The following NFATC3 variants were observed in gnomAD, a reference collection of about 807,000 sequenced individuals.
The protein encoded by NFATC3 is nuclear factor of activated T-cells, cytoplasmic 3.
A neutral mutation model predicts 98.6 loss-of-function variants in NFATC3; 46 were observed. The ratio of observed to expected loss-of-function variants is 0.47; its 90% CI spans 0.37 to 0.60. The LOEUF (loss-of-function observed/expected upper bound fraction) is 0.60, where lower values mean the gene tolerates loss of function less well. Among genes scored for constraint, NFATC3 ranks in the 20% least tolerant of loss-of-function variants. The pLI is 0.00. For synonymous variants in NFATC3, 512 were observed against 472.2 expected (o/e 1.08, Z -1.09); for missense variants, 1,256 against 1,295.5 (o/e 0.97, Z 0.47).
At chr16:68,156,705 C>G (rs571607750) in intron 3 of NFATC3, among the ~76,000 whole-genome samples, 2 of 152,128 alleles carry the variant, frequency 1.3e-5, no homozygotes, top group Non-Finnish European at 2.9e-5. Flanking sequence ...TTTGGGAGGT[C>G]GAGGCGGGCA....
chr16:68,098,231 A>G lies in NFATC3; in HGVS notation c.103+12447A>G, dbSNP rs187160700. Among the ~76,000 whole-genome samples the G allele has an allele frequency of 3.5e-4, 53 of 150,296 alleles. No homozygotes were observed. In the East Asian group the frequency reaches 9.1e-3, roughly 26 times the overall value. On this transcript the variant is annotated intron_variant, in intron 1 of 9. Coordinates refer to ENST00000346183, the MANE Select transcript of NFATC3 (RefSeq NM_173165.3). Reference sequence around the variant, plus strand: ...TCTTGGGTAAATACCTAAGAATGTAATGGTTGGGTAATTTGGTAGATGTAC... The same window carrying G: ...TCTTGGGTAAATACCTAAGAATGTAGTGGTTGGGTAATTTGGTAGATGTAC...
chr16:68,183,300 G>A lies in NFATC3; in HGVS notation c.2032G>A (p.Val678Met). The change falls in exon 8 of 10, where the codon GTG becomes ATG. Residue 678 changes from valine to methionine, a missense_variant. Val to Met is a conservative substitution (Grantham distance 21, BLOSUM62 1). Transcript: ENST00000346183. ...HNPAVTAAVQVHFYLCNGKRK... is the reference protein window; with the variant it reads ...HNPAVTAAVQMHFYLCNGKRK... ...CCCAGCAGTTACAGCTGCAGTGCAG[G>A]TGCACTTTTATCTTTGCAATGGCAA... is the stretch of plus-strand genomic sequence containing the variant. 1.9e-6 allele frequency: 3 copies of A among 1,612,760 alleles called. No homozygotes were observed. Among genetic ancestry groups the A allele is most frequent in the Non-Finnish European group, 2.5e-6 (3 of 1,179,640 alleles).
At chr16:68,185,862 CAAAAAAAAAAAA>C (rs764335192) in intron 8 of NFATC3, among the ~76,000 whole-genome samples, 3 of 49,358 alleles carry the variant, frequency 6.1e-5, no homozygotes, top group Non-Finnish European at 9.0e-5. Context: ...GACTCCGTCT[CAAAAAAAAAAAA>C]AAAAAAAAAA....
At chr16:68,201,647 T>C (rs994344964) in intron 9 of NFATC3, among the ~76,000 whole-genome samples, 1 of 150,614 alleles carries the variant, frequency 6.6e-6, no homozygotes, top group Non-Finnish European at 1.5e-5. Context: ...TTGTTTCTTT[T>C]AAAAAAAAGA....
chr16:68,096,015 T>C (rs1005330792), intron 1 of NFATC3, among the ~76,000 whole-genome samples: 4 of 152,226 alleles, frequency 2.6e-5, no homozygotes, highest in African/African-American at 9.6e-5. Flanking sequence ...TGAGACAGGG[T>C]CTCACTTTGT....
intron 9 of NFATC3, among the ~76,000 whole-genome samples, chr16:68,224,004 C>A (rs913781081): frequency 2.7e-5 from 4 of 150,452 alleles, no homozygotes; most frequent in Admixed American, 1.3e-4. Flanking sequence ...CCCAGCACTT[C>A]AGGAGGCCGA....
chr16:68,228,512 T>C lies in NFATC3; in HGVS notation c.*2041T>C, dbSNP rs575781056. ...AGAGTTGCTATGCACCAAATTTTGA[T>C]GCCTTCTAAATACCTTGATGCCTGT... On this transcript the variant is annotated 3_prime_UTR_variant, in exon 10 of 10. Transcript: ENST00000346183. 3.3e-5 allele frequency: 5 copies of C among 152,770 alleles called. No individual in the cohort carries two copies. In the East Asian group the frequency reaches 9.6e-4, roughly 29 times the overall value. 9.5% of individuals were successfully genotyped at this position (152,770 alleles called of 1,614,324 possible). A position where few individuals can be genotyped will look rare whatever the true frequency, so the allele number is the denominator to read the frequency against.
In NFATC3 at chr16:68,175,624, A is replaced by G. The variant is rs370756226; in HGVS notation, c.1915+1110A>G. Among the ~76,000 whole-genome samples, 17 of 152,250 alleles carry G rather than the reference A, an allele frequency of 1.1e-4. No homozygotes were observed. In the East Asian group the frequency reaches 3.1e-3, roughly 28 times the overall value. ...GGCTAGGCTGGAGTGCAATGGCACA[A>G]TCTTGGCTCACTGCAACCTCCGCCT... is the stretch of plus-strand genomic sequence containing the variant. On this transcript the variant is annotated intron_variant, in intron 6 of 9. Transcript: ENST00000346183.
rs575641838 is a variant in NFATC3 at position 68,226,415 on chromosome 16, C to A, written c.3172C>A (p.Gln1058Lys). 1.1e-5 allele frequency: 17 copies of A among 1,570,874 alleles called. No individual in the cohort carries two copies. The African/African-American group carries it at 2.4e-4, about 22-fold the overall frequency. Reference sequence around the variant, plus strand: ...TTCCCAAGGAGCAGGGGTGAGCAGGCAGGCTCCCCTCCCGAGTCCTGAGTC... The same window carrying A: ...TTCCCAAGGAGCAGGGGTGAGCAGGAAGGCTCCCCTCCCGAGTCCTGAGTC... ...SVSQGAGVSR[Q>K]APLPSPESLD... Residue 1058 changes from glutamine (Q) to lysine (K), a missense_variant, in exon 10 of 10, where the codon CAG becomes AAG. Physicochemically the swap from Gln to Lys is moderately conservative, Grantham distance 53. Coordinates refer to ENST00000346183, the MANE Select transcript of NFATC3 (RefSeq NM_173165.3).
At chr16:68,142,675 T>A (rs1385784162) in intron 3 of NFATC3, among the ~76,000 whole-genome samples, 1 of 151,976 alleles carries the variant, frequency 6.6e-6, no homozygotes, top group Non-Finnish European at 1.5e-5. Context: ...TGAGACTCAT[T>A]TGAACCTGGA....
chr16:68,166,928 A>G lies in NFATC3; in HGVS notation c.1687A>G (p.Arg563Gly). The G allele has an allele frequency of 6.2e-7, 1 of 1,614,192 alleles. No individual in the cohort carries two copies. Among genetic ancestry groups the G allele is most frequent in the Non-Finnish European group, 8.5e-7 (1 of 1,179,998 alleles). The part of the protein sequence containing the change: ...GETDIGRKNT[R>G]VRLVFRVHIP... ...AACTGATATTGGCAGAAAGAATACT[A>G]GAGTACGACTTGTGTTTCGTGTACA... is the stretch of plus-strand genomic sequence containing the variant. The change falls in exon 5 of 10, where the codon AGA becomes GGA. Residue 563 changes from arginine (R) to glycine (G), a missense_variant. Physicochemically the swap from Arg to Gly is moderately radical, Grantham distance 125. Around this residue, in one of 3 missense-constraint regions of NFATC3, gnomAD observed 636 missense variants for 617.3 expected, o/e 1.03. Transcript: ENST00000346183.
At chr16:68,124,903 G>A (rs2036756910) in intron 2 of NFATC3, among the ~76,000 whole-genome samples, 6 of 151,616 alleles carry the variant, frequency 4.0e-5, no homozygotes, top group Admixed American at 4.0e-4. Context: ...TAATTTTTTT[G>A]TATTTTTAGT....
intron 1 of NFATC3, among the ~76,000 whole-genome samples, chr16:68,120,255 G>C (rs1453941800): frequency 6.6e-6 from 1 of 150,722 alleles, no homozygotes; most frequent in Non-Finnish European, 1.5e-5. Context: ...ACTCCAGCCT[G>C]GGTGACAGAG....
At chr16:68,125,120 T>C (rs565486237) in intron 2 of NFATC3, among the ~76,000 whole-genome samples, 12 of 152,370 alleles carry the variant, frequency 7.9e-5, no homozygotes, top group African/African-American at 2.9e-4. Context: ...TTTGAACCCA[T>C]CCCTTTGCTT....
At chr16:68,166,349 T>C (rs1316780768) in intron 4 of NFATC3, among the ~76,000 whole-genome samples, 1 of 152,186 alleles carries the variant, frequency 6.6e-6, no homozygotes, top group Non-Finnish European at 1.5e-5. Context: ...CCAAAACGGC[T>C]AGGGTGGCTG....
chr16:68,158,192 C>A, intron 4 of NFATC3, 124 bp downstream of exon 4: 1 of 621,838 alleles, frequency 1.6e-6, no homozygotes. Flanking sequence ...AAATAATGTA[C>A]ATTTAGTACA....
At chr16:68,120,708 G>A (rs2036526912) in intron 1 of NFATC3, among the ~76,000 whole-genome samples, 1 of 151,896 alleles carries the variant, frequency 6.6e-6, no homozygotes, top group Admixed American at 6.6e-5. Context: ...ACTCCAGCCT[G>A]GGCGACAGAG....
At chr16:68,102,361 G>A (rs891768774) in intron 1 of NFATC3, among the ~76,000 whole-genome samples, 14 of 110,466 alleles carry the variant, frequency 1.3e-4, no homozygotes, top group Non-Finnish European at 2.2e-4. Flanking sequence ...GACAGTGTGA[G>A]ACTCCATCTC....
At chr16:68,165,392 CTTTTTTT>C (rs869025719) in intron 4 of NFATC3, among the ~76,000 whole-genome samples, 47 of 104,388 alleles carry the variant, frequency 4.5e-4, no homozygotes, top group Admixed American at 1.2e-3. Flanking sequence ...TTTTCTTTTT[CTTTTTTT>C]TTTTTTTTTT....
Sources: allele counts gnomAD v4.1 joint callset (sites outside exome capture counted in the v4.1 genomes callset), GRCh38; gene constraint gnomAD v4.1.1; regional missense constraint gnomAD v4.1.1; transcripts MANE v1.5; gene names NCBI Gene and HGNC (gene_info 2026-07-23, HGNC 2026-07-21).